The following WDR7 variants were observed in gnomAD, a reference collection of about 807,000 sequenced individuals.
WDR7 encodes WD repeat-containing protein 7.
Under a neutral mutation model 169.4 loss-of-function variants are expected in WDR7, and 46 were observed. The observed-to-expected ratio is 0.27, with a 90% CI of 0.21 to 0.35. The LOEUF (loss-of-function observed/expected upper bound fraction) is 0.35, where lower values mean the gene tolerates loss of function less well. Among genes scored for constraint, WDR7 ranks in the 10% least tolerant of loss-of-function variants. The pLI is 1.00. For missense variants in WDR7, 1,534 were observed against 1,859.3 expected, an observed-to-expected ratio of 0.83 and a Z score of 3.22; for synonymous variants, 612 against 666.8, an observed-to-expected ratio of 0.92 and a Z score of 1.27.
rs774872793 is a variant in WDR7 at position 56,880,000 on chromosome 18, C to T, written c.3361C>T (p.Arg1121Trp). ...AATTTCTACATCTTACGAGGAAAGA[C>T]GGAAGCAAGCTACCGCTATTGTTTT... ...KKISTSYEER[R>W]KQATAIVLLG... The change falls in exon 21 of 28, where the codon CGG becomes TGG. Residue 1121 changes from arginine to tryptophan, a missense_variant. Transcript: ENST00000254442. 22 of 1,613,918 alleles carry T rather than the reference C, an allele frequency of 1.4e-5. No individual in the cohort carries two copies. Among genetic ancestry groups the T allele is most frequent in the Middle Eastern group, 1.6e-4 (1 of 6,082 alleles).
intron 1 of WDR7, among the ~76,000 whole-genome samples, chr18:56,669,649 AT>A (rs2025092069): frequency 6.6e-6 from 1 of 151,938 alleles, no homozygotes; most frequent in South Asian, 2.1e-4. Flanking sequence ...AAATCTGAAT[AT>A]ATTATATATA....
At chr18:56,687,932 T>G (rs2025476552) in intron 7 of WDR7, among the ~76,000 whole-genome samples, 1 of 152,138 alleles carries the variant, frequency 6.6e-6, no homozygotes, top group Non-Finnish European at 1.5e-5. Flanking sequence ...CTGGCTACAT[T>G]TTGTTCTTTA....
At chr18:56,786,014 T>C (rs1599042147) in intron 19 of WDR7, among the ~76,000 whole-genome samples, 1 of 152,104 alleles carries the variant, frequency 6.6e-6, no homozygotes, top group East Asian at 1.9e-4. Flanking sequence ...ACGCTTTTAA[T>C]GTAAAGTGCA....
chr18:56,853,880 G>A (rs911065958), intron 20 of WDR7, among the ~76,000 whole-genome samples: 3 of 152,148 alleles, frequency 2.0e-5, no homozygotes, highest in Non-Finnish European at 4.4e-5. Flanking sequence ...TGTAGCTGTA[G>A]TTGTCATTTT....
intron 8 of WDR7, 66 bp from the exon 9 acceptor site, chr18:56,691,649 C>A: frequency 7.3e-7 from 1 of 1,360,844 alleles, no homozygotes; most frequent in South Asian, 1.5e-5. Context: ...CAAACCTTGT[C>A]ATATGGAATT....
chr18:56,989,555 G>A (rs186175851), intron 26 of WDR7, among the ~76,000 whole-genome samples: 1 of 152,230 alleles, frequency 6.6e-6, no homozygotes, highest in African/African-American at 2.4e-5. Context: ...GGCATTTAAT[G>A]CATGCTGAAA....
intron 19 of WDR7, among the ~76,000 whole-genome samples, chr18:56,787,250 C>T (rs1333388012): frequency 6.6e-6 from 1 of 152,146 alleles, no homozygotes; most frequent in African/African-American, 2.4e-5. Flanking sequence ...TGGCCTGCAA[C>T]GCAGAGTGAC....
intron 27 of WDR7, among the ~76,000 whole-genome samples, chr18:57,023,148 G>A (rs1414896447): frequency 6.6e-6 from 1 of 152,184 alleles, no homozygotes; most frequent in Non-Finnish European, 1.5e-5. Context: ...TCAGGAAAAT[G>A]CAATGAAATC....
At chr18:56,841,751 C>G (rs1177702382) in intron 20 of WDR7, among the ~76,000 whole-genome samples, 1 of 152,084 alleles carries the variant, frequency 6.6e-6, no homozygotes, top group Non-Finnish European at 1.5e-5. Context: ...CTGATTGGAT[C>G]TATTCTTGAC....
At chr18:56,759,678 A>G (rs1421434519) in intron 16 of WDR7, among the ~76,000 whole-genome samples, 2 of 152,204 alleles carry the variant, frequency 1.3e-5, no homozygotes, top group African/African-American at 4.8e-5. Context: ...AATGTGATAG[A>G]GAAAAGTAAA....
chr18:56,874,443 G>A (rs2045995913), intron 20 of WDR7, among the ~76,000 whole-genome samples: 1 of 151,978 alleles, frequency 6.6e-6, no homozygotes, highest in South Asian at 2.1e-4. Context: ...TCCATGAAGA[G>A]AGAGAAATGC....
chr18:57,009,005 A>G (rs2048102745), intron 26 of WDR7, among the ~76,000 whole-genome samples: 1 of 150,218 alleles, frequency 6.7e-6, no homozygotes, highest in Admixed American at 6.7e-5. Flanking sequence ...ACAAATTTTA[A>G]TCCACTAAGT....
intron 5 of WDR7, among the ~76,000 whole-genome samples, chr18:56,685,295 A>G (rs762675265): frequency 2.0e-5 from 3 of 152,164 alleles, no homozygotes; most frequent in Non-Finnish European, 2.9e-5. Flanking sequence ...AGATAAGAAA[A>G]TTGTATTTAA....
chr18:56,871,459 T>C (rs2045952555), intron 20 of WDR7, among the ~76,000 whole-genome samples: 1 of 152,184 alleles, frequency 6.6e-6, no homozygotes, highest in Admixed American at 6.5e-5. Context: ...GTCACGGTTA[T>C]TTTTAAAACT....
chr18:56,680,895 G>A (rs641700), intron 3 of WDR7, among the ~76,000 whole-genome samples: 3 of 152,148 alleles, frequency 2.0e-5, no homozygotes, highest in African/African-American at 7.3e-5. Flanking sequence ...TCACTTGTCC[G>A]TCATGTGTCA....
chr18:56,818,038 T>C (rs374060737), intron 20 of WDR7, among the ~76,000 whole-genome samples: 13 of 152,282 alleles, frequency 8.5e-5, no homozygotes, highest in South Asian at 8.3e-4. Context: ...CCACTGCACC[T>C]GGCCTATTTG....
intron 21 of WDR7, among the ~76,000 whole-genome samples, chr18:56,912,094 AC>A: frequency 6.6e-6 from 1 of 152,288 alleles, no homozygotes; most frequent in African/African-American, 2.4e-5. Flanking sequence ...TGTATGGGTG[AC>A]CAGAAAGGGT....
chr18:56,675,477 A>C lies in WDR7; in HGVS notation c.159+2803A>C, dbSNP rs1237596133. On this transcript the variant is annotated intron_variant, in intron 2 of 27. Coordinates refer to ENST00000254442, the MANE Select transcript of WDR7 (RefSeq NM_015285.3). The stretch of plus-strand genomic sequence containing the variant: ...ATTTTATTTTTTGAATCTATTAGAT[A>C]TAGAATTTTTCCATTTATTTTATTT... Among the ~76,000 whole-genome samples the C allele has an allele frequency of 2.0e-5, 3 of 152,050 alleles. No individual in the cohort carries two copies. In the East Asian group the frequency reaches 5.8e-4, roughly 29 times the overall value.
intron 15 of WDR7, among the ~76,000 whole-genome samples, chr18:56,758,086 A>C (rs2043925816): frequency 6.6e-6 from 1 of 152,206 alleles, no homozygotes; most frequent in African/African-American, 2.4e-5. Context: ...AGAATTTTTC[A>C]ATAGAGAAAG....
Sources: allele counts gnomAD v4.1 joint callset (sites outside exome capture counted in the v4.1 genomes callset), GRCh38; gene constraint gnomAD v4.1.1; transcripts MANE v1.5; gene names NCBI Gene and HGNC (gene_info 2026-07-23, HGNC 2026-07-21).